ZNF730: variants seen among roughly 807,000 people sequenced by gnomAD.
The protein encoded by ZNF730 is zinc finger protein 730.
Under a neutral mutation model 12.6 loss-of-function variants are expected in ZNF730, and 12 were observed. The ratio of observed to expected loss-of-function variants is 0.95; its 90% CI spans 0.61 to 1.54. The LOEUF (loss-of-function observed/expected upper bound fraction) is 1.54, where lower values mean the gene tolerates loss of function less well. Ranked by LOEUF, ZNF730 falls within the 40% of genes most tolerant of loss-of-function variation. The pLI is 0.00. For missense variants in ZNF730, 643 were observed against 583.5 expected (o/e 1.10, Z -1.05); for synonymous variants, 194 against 195.8 (o/e 0.99, Z 0.08).
intron 3 of ZNF730, chr19:23,143,936 G>C (rs1401300930): frequency 2.0e-5 from 3 of 151,786 alleles, no homozygotes; most frequent in African/African-American, 7.3e-5. Context: ...TGTTTGTTAA[G>C]CTTCTTCATG....
At chr19:23,085,569 C>T (rs890886888) in intron 1 of ZNF730, among the ~76,000 whole-genome samples, 1 of 127,666 alleles carries the variant, frequency 7.8e-6, no homozygotes, top group Non-Finnish European at 1.6e-5. Flanking sequence ...GGCTGGAGTG[C>T]GGTGGCATGA....
Position 23,145,977 on chromosome 19 carries a change from A to G in ZNF730, c.933A>G (p.Pro311=), listed in dbSNP as rs910180410. Reference sequence around the variant, plus strand: ...AGAAAATTCATACTAAAGAGCAACCATACAAATGCGAAAAATGTGGCAAAG... The same window carrying G: ...AGAAAATTCATACTAAAGAGCAACCGTACAAATGCGAAAAATGTGGCAAAG... The part of the protein sequence containing the change: ...EHKKIHTKEQ[P]YKCEKCGKAF... The change falls in exon 4 of 4, where the codon CCA becomes CCG. Residue 311 remains proline (P), a synonymous_variant. Coordinates refer to ENST00000597761, the MANE Select transcript of ZNF730 (RefSeq NM_001277403.2). 1.2e-6 allele frequency: 2 copies of G among 1,607,106 alleles called. No individual in the cohort carries two copies. Among genetic ancestry groups the G allele is most frequent in the Admixed American group, 1.7e-5 (1 of 58,896 alleles).
intron 1 of ZNF730, among the ~76,000 whole-genome samples, chr19:23,122,879 T>C (rs1970617350): frequency 6.6e-6 from 1 of 152,246 alleles, no homozygotes; most frequent in Non-Finnish European, 1.5e-5. Context: ...AAGTTCTACA[T>C]ACATTATGAC....
chr19:23,113,652 GTT>G (rs1436850288), upstream of ZNF730, among the ~76,000 whole-genome samples: 1 of 152,132 alleles, frequency 6.6e-6, no homozygotes, highest in Non-Finnish European at 1.5e-5. Flanking sequence ...GATTCTGTAG[GTT>G]TTGTTTTTCT....
intron 1 of ZNF730, among the ~76,000 whole-genome samples, chr19:23,107,465 A>AAAAAAAAC (rs1970408108): frequency 1.4e-5 from 2 of 148,044 alleles, no homozygotes; most frequent in Non-Finnish European, 3.0e-5. Context: ...AAAAAAAAAA[A>AAAAAAAAC]AAAAAAAAAA....
chr19:23,135,864 C>A, intron 2 of ZNF730, 84 bp from the exon 3 acceptor site: 1 of 1,261,144 alleles, frequency 7.9e-7, no homozygotes, highest in Non-Finnish European at 1.1e-6. Flanking sequence ...CTAGAATATT[C>A]CATTACATTC....
intron 1 of ZNF730, among the ~76,000 whole-genome samples, chr19:23,130,596 T>G (rs1004662947): frequency 1.3e-5 from 2 of 152,258 alleles, no homozygotes; most frequent in Non-Finnish European, 2.9e-5. Flanking sequence ...AGGGTTGTTA[T>G]GATTATTTGT....
At chr19:23,101,742 G>A (rs1970338013) in intron 1 of ZNF730, among the ~76,000 whole-genome samples, 1 of 152,026 alleles carries the variant, frequency 6.6e-6, no homozygotes, top group South Asian at 2.1e-4. Flanking sequence ...ACTAGTTTTT[G>A]TATTTTTAGT....
chr19:23,104,188 G>T (rs1354219513), intron 1 of ZNF730, among the ~76,000 whole-genome samples: 6 of 151,666 alleles, frequency 4.0e-5, no homozygotes, highest in Admixed American at 3.9e-4. Context: ...TCTAGTCTCA[G>T]CTACTCGGGA....
chr19:23,132,337 C>G (rs1156367203), intron 1 of ZNF730, among the ~76,000 whole-genome samples: 1 of 152,026 alleles, frequency 6.6e-6, no homozygotes, highest in Non-Finnish European at 1.5e-5. Flanking sequence ...GCTAAACATG[C>G]CTTGGAGTAA....
At chr19:23,087,197 C>G (rs978400641) in intron 1 of ZNF730, among the ~76,000 whole-genome samples, 1 of 152,130 alleles carries the variant, frequency 6.6e-6, no homozygotes, top group South Asian at 2.1e-4. Flanking sequence ...CACCTGAGAT[C>G]AGGTGTTCGA....
intron 1 of ZNF730, chr19:23,127,182 A>G (rs1252718397): frequency 1.8e-6 from 1 of 560,256 alleles, no homozygotes; most frequent in African/African-American, 1.9e-5. Context: ...AATTATCTAC[A>G]TCCTTTACTC....
Position 23,145,849 on chromosome 19 carries a change from A to G in ZNF730, c.805A>G (p.Thr269Ala). Residue 269 changes from threonine to alanine, a missense_variant, in exon 4 of 4, where the codon ACA becomes GCA. Coordinates refer to ENST00000597761, the MANE Select transcript of ZNF730 (RefSeq NM_001277403.2). Reference protein sequence around the residue: ...EKCGKFFNQSTNLTTHKRIHT... With the variant: ...EKCGKFFNQSANLTTHKRIHT... ...ATGTGGCAAATTTTTTAACCAATCC[A>G]CAAACCTTACTACACATAAAAGAAT... 6.2e-7 allele frequency: 1 copy of G among 1,605,916 alleles called. No homozygotes were observed.
chr19:23,142,458 C>T (rs1456022218), intron 3 of ZNF730, among the ~76,000 whole-genome samples: 1 of 150,458 alleles, frequency 6.6e-6, no homozygotes, highest in Non-Finnish European at 1.5e-5. Context: ...CTGAGGCAGG[C>T]AGATCACAAG....
rs568068501 is a variant in ZNF730 at position 23,145,865 on chromosome 19, A to G, written c.821A>G (p.His274Arg). Residue 274 changes from histidine (H) to arginine (R), a missense_variant, in exon 4 of 4, where the codon CAT (histidine) becomes CGT (arginine). His to Arg is a conservative substitution (Grantham distance 29, BLOSUM62 0). Transcript: ENST00000597761. ...FFNQSTNLTTHKRIHTGEKPY... is the reference protein window; with the variant it reads ...FFNQSTNLTTRKRIHTGEKPY... ...AACCAATCCACAAACCTTACTACAC[A>G]TAAAAGAATTCATACTGGAGAGAAA... 13 of 1,609,770 alleles carry G rather than the reference A, an allele frequency of 8.1e-6. No individual in the cohort carries two copies. The highest frequency in any genetic ancestry group is 1.0e-5 in the Non-Finnish European group (12 of 1,179,162).
In ZNF730 at chr19:23,137,410, G is replaced by T. The variant is rs529811236; in HGVS notation, c.226+1367G>T. On this transcript the variant is annotated intron_variant, in intron 3 of 3. Coordinates refer to ENST00000597761, the MANE Select transcript of ZNF730 (RefSeq NM_001277403.2). ...TAGTTTAAGTGTATGGAACCATAAC[G>T]TATAGTTGTATGTTAATTTTCTATT... Among the ~76,000 whole-genome samples, 5 of 152,082 alleles carry T rather than the reference G, an allele frequency of 3.3e-5. No individual in the cohort carries two copies. In the East Asian group the frequency reaches 9.6e-4, roughly 29 times the overall value.
intron 1 of ZNF730, among the ~76,000 whole-genome samples, chr19:23,130,109 C>A (rs1970729074): frequency 6.6e-6 from 1 of 151,892 alleles, no homozygotes; most frequent in Non-Finnish European, 1.5e-5. Flanking sequence ...TTGCTGTGTC[C>A]CCACCCAAAT....
At chr19:23,117,692 A>C (rs1970549318) in intron 1 of ZNF730, among the ~76,000 whole-genome samples, 1 of 152,200 alleles carries the variant, frequency 6.6e-6, no homozygotes, top group Non-Finnish European at 1.5e-5. Flanking sequence ...AAAGACTTTC[A>C]TAAGATGCAT....
intron 2 of ZNF730, among the ~76,000 whole-genome samples, chr19:23,134,948 CAT>C (rs1203852494): frequency 5.2e-5 from 4 of 77,418 alleles, no homozygotes; most frequent in Admixed American, 3.3e-4. Flanking sequence ...CTCTCTGAAA[CAT>C]GTGCTGTGTC....
Sources: allele counts gnomAD v4.1 joint callset (sites outside exome capture counted in the v4.1 genomes callset), GRCh38; gene constraint gnomAD v4.1.1; transcripts MANE v1.5; gene names NCBI Gene and HGNC (gene_info 2026-07-23, HGNC 2026-07-21).